The following ITPK1 variants were observed in gnomAD, a reference collection of about 807,000 sequenced individuals.
The protein encoded by ITPK1 is inositol-tetrakisphosphate 1-kinase.
A neutral mutation model predicts 45.3 loss-of-function variants in ITPK1; 21 were observed. The observed-to-expected ratio is 0.46, with a 90% CI of 0.33 to 0.67. The LOEUF (loss-of-function observed/expected upper bound fraction) is 0.67, where lower values mean the gene tolerates loss of function less well. Among genes scored for constraint, ITPK1 ranks in the 30% least tolerant of loss-of-function variants. ITPK1 has a pLI of 0.02. For synonymous variants in ITPK1, 258 were observed against 253.6 expected, an observed-to-expected ratio of 1.02 and a Z score of -0.16; for missense variants, 474 against 573.5, an observed-to-expected ratio of 0.83 and a Z score of 1.77.
At chr14:93,042,054 A>G (rs904465685) in intron 3 of ITPK1, among the ~76,000 whole-genome samples, 5 of 152,176 alleles carry the variant, frequency 3.3e-5, no homozygotes, top group Admixed American at 6.5e-5. Flanking sequence ...TGCAGGTGTC[A>G]TGCTGGGTCC....
At chr14:92,949,576 C>A (rs1053735055) in intron 9 of ITPK1, among the ~76,000 whole-genome samples, 14 of 152,192 alleles carry the variant, frequency 9.2e-5, no homozygotes, top group Non-Finnish European at 2.1e-4. Flanking sequence ...ATAACAGAAC[C>A]CTTCTGGGCC....
At chr14:92,942,103 T>C (rs1566683600) in intron 10 of ITPK1, among the ~76,000 whole-genome samples, 199 bp from the exon 11 acceptor site, 3 of 152,120 alleles carry the variant, frequency 2.0e-5, no homozygotes, top group African/African-American at 7.2e-5. Flanking sequence ...CCCAACCAGG[T>C]GCGTGCTCCT....
intron 3 of ITPK1, among the ~76,000 whole-genome samples, chr14:93,054,570 G>A (rs1033968936): frequency 6.6e-6 from 1 of 152,182 alleles, no homozygotes; most frequent in Non-Finnish European, 1.5e-5. Flanking sequence ...TACAGAACAT[G>A]TACTCCCTTG....
Position 93,016,579 on chromosome 14 carries a change from G to A in ITPK1, c.246+97C>T. On this transcript the variant is annotated intron_variant, in intron 4 of 10. Transcript: ENST00000267615. The surrounding 1 kb of genome is among the most constrained non-coding windows in gnomAD (Gnocchi z 5.0). ...CATTTCTCCAGACTATACCTCCAGA[G>A]AGCTGCTACCGCCCTAAATACACAC... 7.3e-7 allele frequency: 1 copy of A among 1,376,710 alleles called. No homozygotes were observed. The allele number at this position is 1,376,710 out of a possible 1,614,324, so 85.3% of individuals were successfully genotyped here. A position where few individuals can be genotyped will look rare whatever the true frequency, so the allele number is the denominator to read the frequency against.
chr14:93,016,024 C>T lies in ITPK1; in HGVS notation c.246+652G>A, dbSNP rs1195684558. ...ACTTTGTTTTTCATGACCTCTGAGC[C>T]GCTTTCTAGAGGACAGAATCACGTT... On this transcript the variant is annotated intron_variant, in intron 4 of 10. Transcript: ENST00000267615. This position sits in a 1 kb window ranked among gnomAD's most constrained non-coding sequence, Gnocchi z 5.0. Among the ~76,000 whole-genome samples, 3 of 152,156 alleles carry T rather than the reference C, an allele frequency of 2.0e-5. No individual in the cohort carries two copies. The highest frequency in any genetic ancestry group is 2.9e-5 in the Non-Finnish European group (2 of 68,022).
chr14:93,015,658 C>G (rs1033955878), intron 4 of ITPK1, among the ~76,000 whole-genome samples: 7 of 152,224 alleles, frequency 4.6e-5, no homozygotes, highest in Non-Finnish European at 8.8e-5. Context: ...TGCCCCCAAG[C>G]AGGGGATGCC....
intron 5 of ITPK1, among the ~76,000 whole-genome samples, chr14:92,980,669 GTTTGTTTGTTTA>G: frequency 6.6e-6 from 1 of 152,186 alleles, no homozygotes; most frequent in Non-Finnish European, 1.5e-5. Flanking sequence ...CTCTCTCATA[GTTTGTTTGTTTA>G]TTTGTTTGTT....
intron 2 of ITPK1, among the ~76,000 whole-genome samples, chr14:93,091,725 C>T (rs1333286073): frequency 6.6e-6 from 1 of 152,210 alleles, no homozygotes; most frequent in East Asian, 1.9e-4. Context: ...TCCCATTTAA[C>T]CTCAGTCTTC....
At chr14:93,050,357 C>T (rs1227924495) in intron 3 of ITPK1, among the ~76,000 whole-genome samples, 2 of 152,054 alleles carry the variant, frequency 1.3e-5, no homozygotes, top group African/African-American at 2.4e-5. Flanking sequence ...TGCAAGCCCC[C>T]GAATATGTCC....
At position 93,012,211 on chromosome 14, in the gene ITPK1, C is replaced by T. The variant is rs1486290433; in HGVS notation, c.246+4465G>A. 1.3e-5 allele frequency among the ~76,000 whole-genome samples: 2 copies of T among 152,236 alleles called. No individual in the cohort carries two copies. Among genetic ancestry groups the T allele is most frequent in the African/African-American group, 4.8e-5 (2 of 41,468 alleles). On this transcript the variant is annotated intron_variant, in intron 4 of 10. Transcript: ENST00000267615. The surrounding 1 kb of genome is among the most constrained non-coding windows in gnomAD (Gnocchi z 4.9). ...GGGAACACCAGCTGCTGGGAGCAGA[C>T]ACAATCCCTGCCGCAGTGAAGGGAC...
intron 2 of ITPK1, among the ~76,000 whole-genome samples, chr14:93,103,614 A>G (rs927126197): frequency 6.6e-6 from 1 of 152,138 alleles, no homozygotes; most frequent in African/African-American, 2.4e-5. Flanking sequence ...TGCCCAGCAT[A>G]CAGCAGGCAC....
chr14:92,991,967 C>T (rs1886811642), intron 5 of ITPK1, among the ~76,000 whole-genome samples: 2 of 152,156 alleles, frequency 1.3e-5, no homozygotes, highest in South Asian at 2.1e-4. Context: ...CGTGGCTGAA[C>T]CAGGTATCAC....
At chr14:93,104,055 AG>A (rs1243753255) in intron 2 of ITPK1, among the ~76,000 whole-genome samples, 5 of 152,122 alleles carry the variant, frequency 3.3e-5, no homozygotes, top group Admixed American at 3.3e-4. Context: ...ATTTGGCCCT[AG>A]GGCGGGTGCA....
intron 5 of ITPK1, among the ~76,000 whole-genome samples, chr14:92,980,845 C>G (rs907953236): frequency 6.6e-6 from 1 of 152,156 alleles, no homozygotes; most frequent in African/African-American, 2.4e-5. Context: ...GTAGCTGGGA[C>G]TACAGGCACG....
intron 4 of ITPK1, among the ~76,000 whole-genome samples, chr14:92,999,879 G>A (rs1479068149): frequency 6.6e-6 from 1 of 152,206 alleles, no homozygotes; most frequent in South Asian, 2.1e-4. Context: ...CATCCCATCC[G>A]AAGGAAATCC....
chr14:93,064,136 A>G (rs1890647431), intron 3 of ITPK1, among the ~76,000 whole-genome samples: 1 of 152,200 alleles, frequency 6.6e-6, no homozygotes, highest in East Asian at 1.9e-4. Flanking sequence ...ACAAAAAATT[A>G]GCCGGGCGTG....
At chr14:93,057,792 A>G in intron 3 of ITPK1, among the ~76,000 whole-genome samples, 1 of 152,180 alleles carries the variant, frequency 6.6e-6, no homozygotes, top group South Asian at 2.1e-4. Flanking sequence ...CACACGACTC[A>G]GGGCTCACCC....
At chr14:92,969,082 C>G (rs893629890) in intron 5 of ITPK1, among the ~76,000 whole-genome samples, 2 of 152,276 alleles carry the variant, frequency 1.3e-5, no homozygotes, top group African/African-American at 4.8e-5. Context: ...CCGACACACC[C>G]ATGAAGTGAG....
At chr14:93,109,456 T>C (rs974874479) in intron 2 of ITPK1, among the ~76,000 whole-genome samples, 2 of 146,642 alleles carry the variant, frequency 1.4e-5, no homozygotes, top group Admixed American at 7.7e-5. Context: ...TTTTAATATG[T>C]GCATGTCTTA....
Sources: allele counts gnomAD v4.1 joint callset (sites outside exome capture counted in the v4.1 genomes callset), GRCh38; gene constraint gnomAD v4.1.1; non-coding constraint Gnocchi (gnomAD v3.1); transcripts MANE v1.5; gene names NCBI Gene and HGNC (gene_info 2026-07-23, HGNC 2026-07-21).